The following ELL2 variants were observed in gnomAD, a reference collection of about 807,000 sequenced individuals.
ELL2 encodes the protein elongation factor for RNA polymerase II 2, also known as RNA polymerase II elongation factor ELL2.
Under a neutral mutation model 72.8 loss-of-function variants are expected in ELL2, and 21 were observed. That is an observed-to-expected ratio of 0.29 (90% CI 0.20 to 0.42). The LOEUF (loss-of-function observed/expected upper bound fraction) is 0.42. Among genes scored for constraint, ELL2 ranks in the 10% least tolerant of loss-of-function variants. The pLI, the probability that ELL2 is intolerant of heterozygous loss-of-function variation, is 1.00. For missense variants in ELL2, 568 were observed against 772.8 expected (o/e 0.73, Z 3.14); for synonymous variants, 266 against 283.2 (o/e 0.94, Z 0.61).
intron 2 of ELL2, among the ~76,000 whole-genome samples, chr5:95,925,953 T>A (rs577492894): frequency 6.6e-6 from 1 of 152,208 alleles, no homozygotes; most frequent in Non-Finnish European, 1.5e-5. Flanking sequence ...TGTTCTCAAA[T>A]TATTTCTAGA....
At chr5:95,947,112 T>C (rs1180903625) in intron 1 of ELL2, among the ~76,000 whole-genome samples, 3 of 152,208 alleles carry the variant, frequency 2.0e-5, no homozygotes, top group Admixed American at 1.3e-4. Flanking sequence ...ACATAAGGTA[T>C]ATTTTTTCAT....
At chr5:95,910,253 T>A (rs1010582776) in intron 4 of ELL2, among the ~76,000 whole-genome samples, 39 of 151,914 alleles carry the variant, frequency 2.6e-4, no homozygotes, top group African/African-American at 9.2e-4. Context: ...GAGTAGAAAT[T>A]GAAAAAAATA....
intron 5 of ELL2, among the ~76,000 whole-genome samples, chr5:95,904,726 C>T (rs1022879600): frequency 5.3e-5 from 8 of 152,118 alleles, no homozygotes; most frequent in South Asian, 2.1e-4. Context: ...ATGTATCTTG[C>T]GGCTCTTCTT....
At chr5:95,961,165 C>A (rs948529784) in intron 1 of ELL2, among the ~76,000 whole-genome samples, 15 of 152,214 alleles carry the variant, frequency 9.9e-5, no homozygotes, top group Non-Finnish European at 1.6e-4. Context: ...GCCCGCGAGT[C>A]GTCCCTGGTT....
intron 1 of ELL2, among the ~76,000 whole-genome samples, chr5:95,960,060 G>T (rs916465852): frequency 6.6e-6 from 1 of 151,886 alleles, no homozygotes; most frequent in Non-Finnish European, 1.5e-5. Context: ...CTCTGCCTTC[G>T]CTCTATGTAT....
Position 95,913,951 on chromosome 5 carries a change from T to C in ELL2, c.318-17A>G, listed in dbSNP as rs1187458771. ...GCTCCAGAGCTGTCAAGTAAGTCAG[T>C]GGCTTTGTTAGACATGACCTTCATT... On this transcript the variant is annotated splice_polypyrimidine_tract_variant and intron_variant, in intron 3 of 11. Transcript: ENST00000237853. The C allele has an allele frequency of 1.3e-5, 20 of 1,571,662 alleles. No homozygotes were observed. The highest frequency in any genetic ancestry group is 1.7e-5 in the Non-Finnish European group (20 of 1,161,550).
At chr5:95,912,306 T>TG (rs1252544215) in intron 4 of ELL2, among the ~76,000 whole-genome samples, 2 of 150,888 alleles carry the variant, frequency 1.3e-5, no homozygotes, top group African/African-American at 4.9e-5. Context: ...AAGGGGAGGG[T>TG]TTTTTTTTCA....
Position 95,906,679 on chromosome 5 carries a change from T to C in ELL2, c.585A>G (p.Thr195=), listed in dbSNP as rs774119919. The change falls in exon 5 of 12, where the codon ACA becomes ACG. Residue 195 remains threonine (T), a synonymous_variant. Transcript: ENST00000237853. ...PMNPANTIRK[T]HSSSTISQRP... ...TCTGAGAGATGGTGCTGCTGCTATG[T>C]GTCTTTCGAATTGTATTTGCAGGGT... is the stretch of plus-strand genomic sequence containing the variant. The C allele has an allele frequency of 2.6e-5, 42 of 1,614,026 alleles. No homozygotes were observed. Among genetic ancestry groups the C allele is most frequent in the Non-Finnish European group, 3.3e-5 (39 of 1,179,992 alleles).
At chr5:95,919,311 AT>A in intron 3 of ELL2, 112 bp downstream of exon 3, 1 of 1,316,284 alleles carries the variant, frequency 7.6e-7, no homozygotes, top group Non-Finnish European at 1.0e-6. Flanking sequence ...GAGCTCTGTA[AT>A]TCAATTTAAT....
chr5:95,953,758 G>A (rs1161535068), intron 1 of ELL2, among the ~76,000 whole-genome samples: 1 of 152,220 alleles, frequency 6.6e-6, no homozygotes, highest in African/African-American at 2.4e-5. Flanking sequence ...GAGGTAATGT[G>A]AGGTAATTGA....
chr5:95,926,945 T>G (rs1307913425), intron 2 of ELL2, among the ~76,000 whole-genome samples: 2 of 152,166 alleles, frequency 1.3e-5, no homozygotes, highest in East Asian at 3.8e-4. Context: ...CTACCTTGAG[T>G]AATTTTTGGC....
intron 8 of ELL2, among the ~76,000 whole-genome samples, chr5:95,896,615 A>G (rs970619648): frequency 6.6e-6 from 1 of 152,228 alleles, no homozygotes; most frequent in African/African-American, 2.4e-5. Context: ...ACATGCTTTT[A>G]CGATAGTCTG....
At chr5:95,959,178 T>C (rs1222928514) in intron 1 of ELL2, among the ~76,000 whole-genome samples, 5 of 152,194 alleles carry the variant, frequency 3.3e-5, no homozygotes, top group Non-Finnish European at 1.5e-5. Context: ...GACCTCCTCA[T>C]CTGCCCACTT....
intron 1 of ELL2, 26 bp from the exon 2 acceptor site, chr5:95,943,075 AC>A (rs1321619531): frequency 1.3e-6 from 2 of 1,588,796 alleles, no homozygotes; most frequent in Admixed American, 1.7e-5. Context: ...AAAGAAACAA[AC>A]AGGTAAACCT....
chr5:95,943,122 T>G (rs1341536011), intron 1 of ELL2, 73 bp from the exon 2 acceptor site: 1 of 1,333,430 alleles, frequency 7.5e-7, no homozygotes, highest in African/African-American at 1.5e-5. Context: ...GTTTAAACTT[T>G]AAATCTATGT....
At chr5:95,927,476 TAC>T (rs560734864) in intron 2 of ELL2, among the ~76,000 whole-genome samples, 1 of 18,926 alleles carries the variant, frequency 5.3e-5, no homozygotes, top group Non-Finnish European at 8.2e-5. Flanking sequence ...TATATAGACA[TAC>T]ACACACGTGT....
intron 1 of ELL2, among the ~76,000 whole-genome samples, chr5:95,944,406 T>C (rs957832610): frequency 2.0e-5 from 3 of 152,252 alleles, no homozygotes; most frequent in Non-Finnish European, 2.9e-5. Context: ...TACTACTGGG[T>C]AACAAATTCA....
chr5:95,920,911 A>G (rs1479524241), intron 2 of ELL2, among the ~76,000 whole-genome samples: 1 of 127,100 alleles, frequency 7.9e-6, no homozygotes, highest in Non-Finnish European at 1.6e-5. Flanking sequence ...CCATTATAAG[A>G]TGAAGACAGC....
At chr5:95,913,749 G>A in intron 4 of ELL2, 22 bp downstream of exon 4, 2 of 1,561,946 alleles carry the variant, frequency 1.3e-6, no homozygotes, top group South Asian at 1.2e-5. Flanking sequence ...TCAGCAAGAG[G>A]AAGAAAGATA....
Sources: gnomAD v4.1 joint callset for allele counts (sites outside exome capture counted in the v4.1 genomes callset) on GRCh38, gnomAD v4.1.1 for gene constraint, MANE v1.5 for transcripts, NCBI Gene and HGNC (gene_info 2026-07-23, HGNC 2026-07-21) for gene names.